SLC10A7: variants seen among roughly 807,000 people sequenced by gnomAD.
SLC10A7 encodes sodium/bile acid cotransporter 7.
A neutral mutation model predicts 43.2 loss-of-function variants in SLC10A7; 29 were observed. That is an observed-to-expected ratio of 0.67 (90% CI 0.50 to 0.92). The LOEUF (loss-of-function observed/expected upper bound fraction) is 0.92, where lower values mean the gene tolerates loss of function less well. SLC10A7 is among the 40% of genes least tolerant of loss of function. The pLI is 0.00. For synonymous variants in SLC10A7, 152 were observed against 144.8 expected, an observed-to-expected ratio of 1.05 and a Z score of -0.35; for missense variants, 295 against 403.2, an observed-to-expected ratio of 0.73 and a Z score of 2.30.
intron 5 of SLC10A7, among the ~76,000 whole-genome samples, chr4:146,356,171 A>T (rs1735612859): frequency 6.6e-6 from 1 of 151,604 alleles, no homozygotes; most frequent in Non-Finnish European, 1.5e-5. Flanking sequence ...TTACTTAAAG[A>T]TTTTGTAAAT....
At chr4:146,466,275 G>A (rs1035496134) in intron 4 of SLC10A7, among the ~76,000 whole-genome samples, 11 of 152,132 alleles carry the variant, frequency 7.2e-5, no homozygotes, top group Admixed American at 4.6e-4. Flanking sequence ...TAATAAAAAC[G>A]TATAGTACTG....
At chr4:146,376,341 T>A (rs1737196255) in intron 5 of SLC10A7, among the ~76,000 whole-genome samples, 1 of 152,118 alleles carries the variant, frequency 6.6e-6, no homozygotes, top group African/African-American at 2.4e-5. Context: ...CCCTGGCAAA[T>A]GCCCCACCCT....
chr4:146,263,368 A>G (rs1413630047), intron 10 of SLC10A7, among the ~76,000 whole-genome samples: 2 of 152,226 alleles, frequency 1.3e-5, no homozygotes, highest in African/African-American at 2.4e-5. Context: ...ATTGTTGAGC[A>G]TATGGTAGGT....
chr4:146,499,360 G>A (rs1343303261), intron 4 of SLC10A7, among the ~76,000 whole-genome samples: 1 of 152,108 alleles, frequency 6.6e-6, no homozygotes, highest in Non-Finnish European at 1.5e-5. Flanking sequence ...TTCATCAAAT[G>A]GTAGGTGACA....
chr4:146,409,425 G>C (rs1382857441), intron 5 of SLC10A7, among the ~76,000 whole-genome samples: 1 of 151,798 alleles, frequency 6.6e-6, no homozygotes, highest in Non-Finnish European at 1.5e-5. Context: ...AAAACTAAAG[G>C]GATAAAAAAA....
Position 146,521,644 on chromosome 4 carries a change from A to G in SLC10A7, c.74T>C (p.Leu25Pro). Residue 25 changes from leucine to proline, a missense_variant, in exon 1 of 12, where the codon CTG becomes CCG. By Grantham distance (98) the Leu-to-Pro change is moderately conservative. Coordinates refer to ENST00000335472, the MANE Select transcript of SLC10A7 (RefSeq NM_001029998.6). Reference protein sequence around the residue: ...GIVLAIAGAKLEPSIGVNGGP... With the variant: ...GIVLAIAGAKPEPSIGVNGGP... ...CCCATTCACCCCTATGGACGGCTCC[A>G]GTTTAGCTCCAGCGATCGCCAGCAC... 1 of 1,614,186 alleles carries G rather than the reference A, an allele frequency of 6.2e-7. No individual in the cohort carries two copies. Among genetic ancestry groups the G allele is most frequent in the Non-Finnish European group, 8.5e-7 (1 of 1,180,016 alleles).
At chr4:146,450,047 A>G (rs1370088486) in intron 4 of SLC10A7, among the ~76,000 whole-genome samples, 3 of 152,152 alleles carry the variant, frequency 2.0e-5, no homozygotes, top group African/African-American at 7.2e-5. Flanking sequence ...ACACCATTCA[A>G]TAAAAATATT....
rs540989317 is a variant in SLC10A7 at position 146,340,417 on chromosome 4, T to C, written c.436-14421A>G. ...CCCAGGCTCTAGCAAATGCAGGCTC[T>C]AGTAAAAAACAAAGACCCAGGCTCT... On this transcript the variant is annotated intron_variant, in intron 5 of 11. Transcript: ENST00000335472. 8.0e-4 allele frequency among the ~76,000 whole-genome samples: 121 copies of C among 151,744 alleles called. No individual in the cohort carries two copies. In the Middle Eastern group the frequency reaches 0.01, roughly 13 times the overall value.
rs571474515 is a variant in SLC10A7 at position 146,255,271 on chromosome 4, A to T, written c.*1220T>A. The T allele has an allele frequency of 6.6e-6, 1 of 152,622 alleles. No individual in the cohort carries two copies. Among genetic ancestry groups the T allele is most frequent in the Non-Finnish European group, 1.5e-5 (1 of 68,036 alleles). The allele number at this position is 152,622 out of a possible 1,614,324, so 9.5% of individuals were successfully genotyped here. On this transcript the variant is annotated 3_prime_UTR_variant, in exon 12 of 12. Transcript: ENST00000335472. ...TCTTGCAGCTATAGCAGAAGCAAAT[A>T]TTGGACACTCATTTGAAAGCTGCTG...
At chr4:146,505,490 C>T (rs4413429) in intron 3 of SLC10A7, among the ~76,000 whole-genome samples, 2,702 of 152,210 alleles carry the variant, frequency 0.018, 45 homozygotes, top group South Asian at 0.083. Flanking sequence ...GGATTTTCAA[C>T]GGCATGGGGG....
intron 4 of SLC10A7, among the ~76,000 whole-genome samples, chr4:146,450,622 T>C (rs1731497583): frequency 6.6e-6 from 1 of 152,160 alleles, no homozygotes; most frequent in Non-Finnish European, 1.5e-5. Context: ...AGTGGAAGGC[T>C]AGAAGGACTG....
chr4:146,458,226 A>T (rs1412381056), intron 4 of SLC10A7, among the ~76,000 whole-genome samples: 2 of 151,882 alleles, frequency 1.3e-5, no homozygotes, highest in Non-Finnish European at 2.9e-5. Flanking sequence ...AAAGAAAAAA[A>T]CATATAATCA....
At chr4:146,301,552 G>A (rs1044090028) in intron 7 of SLC10A7, among the ~76,000 whole-genome samples, 2 of 152,192 alleles carry the variant, frequency 1.3e-5, no homozygotes, top group Non-Finnish European at 2.9e-5. Flanking sequence ...GATGGGAATT[G>A]GAAGAGACTC....
chr4:146,404,810 G>A (rs1739469866), intron 5 of SLC10A7, among the ~76,000 whole-genome samples: 1 of 152,010 alleles, frequency 6.6e-6, no homozygotes, highest in Non-Finnish European at 1.5e-5. Flanking sequence ...GGATATAAAA[G>A]CACTTCCCTG....
At chr4:146,519,108 T>A (rs1339108247) in intron 1 of SLC10A7, among the ~76,000 whole-genome samples, 93 of 15,976 alleles carry the variant, frequency 5.8e-3, no homozygotes, top group East Asian at 0.036. Context: ...TATATATATA[T>A]ATATAATATA....
chr4:146,426,801 G>T (rs968452818), intron 5 of SLC10A7, among the ~76,000 whole-genome samples: 1 of 151,726 alleles, frequency 6.6e-6, no homozygotes, highest in Non-Finnish European at 1.5e-5. Flanking sequence ...CTTCAACCTG[G>T]GAGGCGGAGG....
At chr4:146,382,095 A>G (rs1737668125) in intron 5 of SLC10A7, among the ~76,000 whole-genome samples, 1 of 152,108 alleles carries the variant, frequency 6.6e-6, no homozygotes, top group Non-Finnish European at 1.5e-5. Flanking sequence ...GCTTTGTTGC[A>G]AAGGTTTTGT....
At chr4:146,291,972 T>C (rs1175683739) in intron 9 of SLC10A7, among the ~76,000 whole-genome samples, 1 of 152,158 alleles carries the variant, frequency 6.6e-6, no homozygotes, top group Non-Finnish European at 1.5e-5. Context: ...AAATTTGCAT[T>C]TGAGGTAAGC....
At position 146,433,615 on chromosome 4, in the gene SLC10A7, C is replaced by T. The variant is rs1283556931; in HGVS notation, c.435+9168G>A. On this transcript the variant is annotated intron_variant, in intron 5 of 11. Transcript: ENST00000335472. ...TTGTGGAGGTTCATGCCTACAATCC[C>T]AGCACTTTTCAAGGCTGAGGTGGGA... is the stretch of plus-strand genomic sequence containing the variant. Among the ~76,000 whole-genome samples, 4 of 152,072 alleles carry T rather than the reference C, an allele frequency of 2.6e-5. No individual in the cohort carries two copies. In the East Asian group the frequency reaches 5.8e-4, roughly 22 times the overall value.
Sources: gnomAD v4.1 joint callset for allele counts (sites outside exome capture counted in the v4.1 genomes callset) on GRCh38, gnomAD v4.1.1 for gene constraint, MANE v1.5 for transcripts, NCBI Gene and HGNC (gene_info 2026-07-23, HGNC 2026-07-21) for gene names.